CPVL: variants seen among roughly 807,000 people sequenced by gnomAD.
CPVL encodes the protein carboxypeptidase vitellogenic like.
A neutral mutation model predicts 63.7 loss-of-function variants in CPVL; 51 were observed. The ratio of observed to expected loss-of-function variants is 0.80; its 90% CI spans 0.64 to 1.01. The LOEUF (loss-of-function observed/expected upper bound fraction) is 1.01. Ranked by LOEUF, CPVL falls within the 50% of genes least tolerant of loss-of-function variation. The pLI is 0.00. For missense variants in CPVL, 530 were observed against 573.1 expected (o/e 0.92, Z 0.77); for synonymous variants, 195 against 206.0 (o/e 0.95, Z 0.46).
At chr7:29,078,618 A>T (rs1389080475) in intron 7 of CPVL, among the ~76,000 whole-genome samples, 1 of 152,184 alleles carries the variant, frequency 6.6e-6, no homozygotes, top group Non-Finnish European at 1.5e-5. Flanking sequence ...CTCAACCTAA[A>T]CATCTCATCT....
Position 29,075,519 on chromosome 7 carries a change from T to TAAAAAAAAAAAAAAAAAAAAA in CPVL, c.610-3097_610-3096insTTTTTTTTTTTTTTTTTTTTT. Reference sequence around the variant, plus strand: ...TCTTTTCTATTGAGAAGATACTTCTTAAAAAAAAAAAAAAAAAAGCCATCA... The same window carrying TAAAAAAAAAAAAAAAAAAAAA: ...TCTTTTCTATTGAGAAGATACTTCTTAAAAAAAAAAAAAAAAAAAAAAAAAAAAAAAAAAAAAAAGCCATCA... On this transcript the variant is annotated intron_variant, in intron 7 of 12. Transcript: ENST00000265394. Among the ~76,000 whole-genome samples, 2 of 128,978 alleles carry TAAAAAAAAAAAAAAAAAAAAA rather than the reference T, an allele frequency of 1.6e-5. 1 individual carries two copies. Among genetic ancestry groups the TAAAAAAAAAAAAAAAAAAAAA allele is most frequent in the Non-Finnish European group, 3.2e-5 (2 of 62,296 alleles). 84.6% of individuals were successfully genotyped at this position (128,978 alleles called of 152,430 possible).
chr7:29,106,954 T>TG lies in CPVL; in HGVS notation c.288+5749_288+5750insC, dbSNP rs200359002. On this transcript the variant is annotated intron_variant, in intron 3 of 12. Transcript: ENST00000265394. ...GGCAGTTCTGGCACAGGGTCTCCCA[T>TG]AAACTGTGGTCAAGGAATCAGCCAG... 9.2e-3 allele frequency among the ~76,000 whole-genome samples: 1,394 copies of TG among 152,298 alleles called. 8 individuals carry two copies. Among genetic ancestry groups the TG allele is most frequent in the Admixed American group, 0.017 (255 of 15,292 alleles).
At chr7:29,173,198 C>T (rs1369706627) in intron 5 of CPVL, among the ~76,000 whole-genome samples, 1 of 151,288 alleles carries the variant, frequency 6.6e-6, no homozygotes, top group East Asian at 1.9e-4. Flanking sequence ...CACACCTAAG[C>T]TTATAGGAAA....
Position 29,096,199 on chromosome 7 carries a change from G to C in CPVL, c.307C>G (p.Pro103Ala). 6.2e-7 allele frequency: 1 copy of C among 1,613,894 alleles called. No homozygotes were observed. Among genetic ancestry groups the C allele is most frequent in the Non-Finnish European group, 8.5e-7 (1 of 1,179,824 alleles). The change falls in exon 4 of 13, where the codon CCA becomes GCA. Residue 103 changes from proline (P) to alanine (A), a missense_variant. By Grantham distance (27) the Pro-to-Ala change is conservative. Transcript: ENST00000265394. ...CCACCCTGTAGCCAGAGAACTACTG[G>C]GGCATCTTCTGGCTGTATCTAGAGG... ...FPAQIQPEDA[P>A]VVLWLQGGPG...
chr7:29,119,532 T>G (rs1472647602), intron 2 of CPVL, among the ~76,000 whole-genome samples: 1 of 151,676 alleles, frequency 6.6e-6, no homozygotes, highest in East Asian at 1.9e-4. Context: ...GTCATAAATT[T>G]TAGCCTCTGA....
chr7:29,059,826 T>A (rs1791097026), intron 11 of CPVL, among the ~76,000 whole-genome samples: 1 of 152,170 alleles, frequency 6.6e-6, no homozygotes, highest in South Asian at 2.1e-4. Flanking sequence ...TTCCTCACCA[T>A]TTGTTTCCAT....
At chr7:29,046,809 T>G (rs1440012716) in intron 11 of CPVL, among the ~76,000 whole-genome samples, 1 of 152,188 alleles carries the variant, frequency 6.6e-6, no homozygotes, top group African/African-American at 2.4e-5. Flanking sequence ...GACTGTGGGT[T>G]GCATTTCCTA....
intron 11 of CPVL, among the ~76,000 whole-genome samples, chr7:29,044,931 A>G (rs901653270): frequency 6.6e-6 from 1 of 152,224 alleles, no homozygotes; most frequent in Non-Finnish European, 1.5e-5. Context: ...ATGAAATTCT[A>G]CATTTCCTGT....
intron 12 of CPVL, among the ~76,000 whole-genome samples, chr7:29,020,142 C>T (rs1584005240): frequency 6.6e-6 from 1 of 152,138 alleles, no homozygotes; most frequent in Non-Finnish European, 1.5e-5. Context: ...TGCAAAGAGC[C>T]AAGCAGGACA....
intron 12 of CPVL, among the ~76,000 whole-genome samples, chr7:29,019,050 AATAT>A (rs34018632): frequency 1.2e-4 from 18 of 149,316 alleles, no homozygotes; most frequent in African/African-American, 3.9e-4. Context: ...GATAGGTATA[AATAT>A]ATATATATAT....
intron 1 of CPVL, among the ~76,000 whole-genome samples, chr7:29,134,531 A>G (rs1211698467): frequency 1.3e-5 from 2 of 152,214 alleles, no homozygotes; most frequent in Admixed American, 1.3e-4. Flanking sequence ...ACTCTCCAAA[A>G]ACCAAAATGT....
chr7:29,118,389 G>A (rs1003171647), intron 2 of CPVL, among the ~76,000 whole-genome samples: 2 of 152,236 alleles, frequency 1.3e-5, no homozygotes, highest in African/African-American at 2.4e-5. Context: ...ATACGTGCAT[G>A]TAATCCAATT....
intron 6 of CPVL, 97 bp from the exon 7 acceptor site, chr7:29,086,647 T>C (rs2128597404): frequency 1.1e-6 from 1 of 891,596 alleles, no homozygotes; most frequent in East Asian, 2.4e-5. Context: ...TGGCAATAGG[T>C]TTCACACTTG....
Position 29,071,905 on chromosome 7 carries a change from C to CT in CPVL, c.733-2dup. On this transcript the variant is annotated splice_acceptor_variant, in intron 8 of 12. Coordinates refer to ENST00000265394, the MANE Select transcript of CPVL (RefSeq NM_031311.5). LOFTEE classifies it high-confidence loss of function. Reference sequence around the variant, plus strand: ...GGAATTCTGCATAGCCCCCTATAATCTGAGGACAAAAAAGACACACATCAA... The same window carrying CT: ...GGAATTCTGCATAGCCCCCTATAATCTTGAGGACAAAAAAGACACACATCAA... 6.2e-7 allele frequency: 1 copy of CT among 1,613,798 alleles called. No individual in the cohort carries two copies. The highest frequency in any genetic ancestry group is 1.7e-5 in the Admixed American group (1 of 59,972).
chr7:29,187,868 A>G (rs575950545), intron 1 of CPVL, among the ~76,000 whole-genome samples: 5 of 152,252 alleles, frequency 3.3e-5, no homozygotes, highest in African/African-American at 1.2e-4. Context: ...TTGGGCATAC[A>G]TTCATTTACA....
intron 7 of CPVL, among the ~76,000 whole-genome samples, chr7:29,080,899 A>T (rs1784647115): frequency 6.6e-6 from 1 of 152,228 alleles, no homozygotes; most frequent in Non-Finnish European, 1.5e-5. Context: ...TATGGTTGCA[A>T]AACTGTTTAT....
At chr7:29,168,554 T>G (rs187257678) in intron 5 of CPVL, among the ~76,000 whole-genome samples, 1 of 152,312 alleles carries the variant, frequency 6.6e-6, no homozygotes, top group African/African-American at 2.4e-5. Context: ...TCCTATAGTT[T>G]CATCTGTGTA....
intron 12 of CPVL, among the ~76,000 whole-genome samples, chr7:28,998,447 C>CT (rs1784299101): frequency 6.6e-6 from 1 of 152,124 alleles, no homozygotes; most frequent in Non-Finnish European, 1.5e-5. Flanking sequence ...AGGCACTGCA[C>CT]GTTGTGTGAC....
chr7:29,157,219 C>G (rs1324150534), intron 5 of CPVL, among the ~76,000 whole-genome samples: 1 of 152,206 alleles, frequency 6.6e-6, no homozygotes, highest in Non-Finnish European at 1.5e-5. Flanking sequence ...ACCCACACCT[C>G]TGAGTGGGGA....
Sources: allele counts gnomAD v4.1 joint callset (sites outside exome capture counted in the v4.1 genomes callset), GRCh38; gene constraint gnomAD v4.1.1; transcripts MANE v1.5; gene names NCBI Gene and HGNC (gene_info 2026-07-23, HGNC 2026-07-21).